TUSC3: variants seen among roughly 807,000 people sequenced by gnomAD.
TUSC3 encodes the protein tumor suppressor candidate 3, also known as dolichyl-diphosphooligosaccharide--protein glycosyltransferase subunit TUSC3.
Under a neutral mutation model 44.8 loss-of-function variants are expected in TUSC3, and 45 were observed. The observed-to-expected ratio is 1.00, with a 90% confidence interval of 0.79 to 1.29. TUSC3 has a LOEUF of 1.29. Among genes scored for constraint, TUSC3 ranks in the 50% most tolerant of loss-of-function variants. The probability of loss-of-function intolerance (pLI) is 0.00; values close to 1 mark genes in which losing one functional copy is unlikely to be tolerated. For missense variants in TUSC3, 519 were observed against 437.9 expected, an observed-to-expected ratio of 1.19 and a Z score of -1.65; for synonymous variants, 212 against 152.9, an observed-to-expected ratio of 1.39 and a Z score of -2.85.
At chr8:15,709,266 G>C (rs1338234990) in intron 6 of TUSC3, among the ~76,000 whole-genome samples, 2 of 151,812 alleles carry the variant, frequency 1.3e-5, no homozygotes, top group Non-Finnish European at 2.9e-5. Flanking sequence ...AGTAATATTA[G>C]CTCAACAGTA....
the TUSC3 span, among the ~76,000 whole-genome samples, chr8:15,836,586 T>A: frequency 1.3e-5 from 2 of 152,122 alleles, no homozygotes; most frequent in Non-Finnish European, 2.9e-5. Flanking sequence ...TCTTTAAAAT[T>A]TTAAATACTT....
intron 1 of TUSC3, among the ~76,000 whole-genome samples, chr8:15,453,826 G>C (rs1409587498): frequency 2.0e-5 from 3 of 152,078 alleles, no homozygotes; most frequent in Non-Finnish European, 4.4e-5. Flanking sequence ...GTGGTTAACT[G>C]TCTCTCTAAA....
intron 2 of TUSC3, among the ~76,000 whole-genome samples, chr8:15,525,627 A>G (rs2129130140): frequency 6.6e-6 from 1 of 152,208 alleles, no homozygotes; most frequent in Admixed American, 6.5e-5. Context: ...TAGATCACTC[A>G]TTTTCCCGTG....
intron 5 of TUSC3, among the ~76,000 whole-genome samples, chr8:15,672,588 G>T (rs1158208799): frequency 6.6e-6 from 1 of 151,934 alleles, no homozygotes; most frequent in African/African-American, 2.4e-5. Flanking sequence ...AAAATTCTAG[G>T]CAAGGTACTT....
intron 6 of TUSC3, among the ~76,000 whole-genome samples, chr8:15,704,237 A>C (rs1306712617): frequency 6.8e-6 from 1 of 147,954 alleles, no homozygotes; most frequent in Non-Finnish European, 1.5e-5. Context: ...AGGCCCCAAA[A>C]TGGAAACATT....
chr8:15,811,225 A>T, the TUSC3 span, among the ~76,000 whole-genome samples: 1 of 152,204 alleles, frequency 6.6e-6, no homozygotes, highest in African/African-American at 2.4e-5. Flanking sequence ...TCTCAGAGAC[A>T]TAACAAAGTG....
At chr8:15,802,404 G>C in the TUSC3 span, among the ~76,000 whole-genome samples, 6 of 152,120 alleles carry the variant, frequency 3.9e-5, no homozygotes, top group Non-Finnish European at 8.8e-5. Context: ...TATATAGGAA[G>C]AAATATAAAT....
intron 2 of TUSC3, among the ~76,000 whole-genome samples, chr8:15,521,691 A>C: frequency 6.6e-6 from 1 of 152,222 alleles, no homozygotes; most frequent in South Asian, 2.1e-4. Flanking sequence ...AAATTGATGC[A>C]GCCTGCGGGC....
In TUSC3 at chr8:15,584,537, G is replaced by T. The variant is rs968527537; in HGVS notation, c.139-38543G>T. On this transcript the variant is annotated intron_variant, in intron 1 of 10. Transcript: ENST00000503731. ...AGGAAAACTAACAAGAGCAATATAA[G>T]TGCTATGATAGAGCCACTTTATGAG... Among the ~76,000 whole-genome samples, 7 of 152,178 alleles carry T rather than the reference G, an allele frequency of 4.6e-5. No homozygotes were observed. The East Asian group carries it at 1.3e-3, about 29-fold the overall frequency.
At chr8:15,459,503 G>C (rs1427578887) in intron 1 of TUSC3, among the ~76,000 whole-genome samples, 2 of 152,038 alleles carry the variant, frequency 1.3e-5, no homozygotes, top group Non-Finnish European at 1.5e-5. Context: ...TTAGGGTACA[G>C]GTGGTGTTTG....
chr8:15,474,953 T>A (rs1163898582), intron 1 of TUSC3, among the ~76,000 whole-genome samples: 1 of 152,224 alleles, frequency 6.6e-6, no homozygotes, highest in East Asian at 1.9e-4. Flanking sequence ...ATTGAAGTCA[T>A]GTCCCTTCTG....
At chr8:15,654,504 CTG>C (rs1807065156) in intron 3 of TUSC3, among the ~76,000 whole-genome samples, 1 of 152,076 alleles carries the variant, frequency 6.6e-6, no homozygotes, top group African/African-American at 2.4e-5. Context: ...ATGTTATAAT[CTG>C]TATGATGTTT....
At chr8:15,582,614 C>T (rs571870667) in intron 1 of TUSC3, among the ~76,000 whole-genome samples, 3 of 152,196 alleles carry the variant, frequency 2.0e-5, no homozygotes, top group Non-Finnish European at 2.9e-5. Context: ...AATCTTGGCA[C>T]ACCCAGCTAA....
intron 1 of TUSC3, among the ~76,000 whole-genome samples, chr8:15,424,697 G>T (rs140433993): frequency 6.6e-6 from 1 of 151,990 alleles, no homozygotes; most frequent in Admixed American, 6.6e-5. Flanking sequence ...TGGCTAACAC[G>T]GTGAAACCCC....
At chr8:15,514,527 C>T (rs772119472) in intron 2 of TUSC3, among the ~76,000 whole-genome samples, 5 of 152,160 alleles carry the variant, frequency 3.3e-5, no homozygotes, top group Non-Finnish European at 7.3e-5. Context: ...ACCTTACAAT[C>T]ATGCTGAAAA....
intron 8 of TUSC3, among the ~76,000 whole-genome samples, chr8:15,745,508 A>G (rs1010695147): frequency 5.3e-5 from 8 of 151,976 alleles, no homozygotes; most frequent in African/African-American, 1.9e-4. Flanking sequence ...GACTGGAGTG[A>G]GATGGTATCT....
chr8:15,539,551 A>T (rs1801602482), upstream of TUSC3, among the ~76,000 whole-genome samples: 1 of 151,820 alleles, frequency 6.6e-6, no homozygotes, highest in South Asian at 2.1e-4. Context: ...GGGTTTCCCC[A>T]TGTTACGGCA....
chr8:15,536,784 A>C (rs1267269375), upstream of TUSC3, among the ~76,000 whole-genome samples: 1 of 139,722 alleles, frequency 7.2e-6, no homozygotes, highest in South Asian at 2.5e-4. Flanking sequence ...GGTTGGTGAG[A>C]TTTTAAGTGA....
intron 2 of TUSC3, among the ~76,000 whole-genome samples, chr8:15,629,978 A>G (rs896463969): frequency 6.6e-6 from 1 of 151,472 alleles, no homozygotes; most frequent in Non-Finnish European, 1.5e-5. Context: ...AGACTACTCT[A>G]TATAATTCTC....
Sources: allele counts gnomAD v4.1 joint callset (sites outside exome capture counted in the v4.1 genomes callset), GRCh38; gene constraint gnomAD v4.1.1; transcripts MANE v1.5; gene names NCBI Gene and HGNC (gene_info 2026-07-23, HGNC 2026-07-21).